The following CHD2 variants were observed in gnomAD, a reference collection of about 807,000 sequenced individuals.
CHD2 encodes the protein chromodomain helicase DNA binding protein 2, also known as ATP-dependent chromatin remodeler CHD2.
In CHD2, 28 loss-of-function variants were observed where a neutral mutation model predicts 243.9. The observed-to-expected ratio is 0.11, with a 90% CI of 0.09 to 0.16. The LOEUF is 0.16. CHD2 is among the 10% of genes least tolerant of loss of function. The probability of loss-of-function intolerance (pLI) is 1.00; values close to 1 mark genes in which losing one functional copy is unlikely to be tolerated. For missense variants in CHD2, 1,386 were observed against 2,209.8 expected (o/e 0.63, Z 7.47); for synonymous variants, 775 against 779.0 (o/e 0.99, Z 0.09).
At chr15:92,964,441 T>A (rs951577155) in intron 16 of CHD2, among the ~76,000 whole-genome samples, 8 of 152,170 alleles carry the variant, frequency 5.3e-5, no homozygotes, top group Admixed American at 3.9e-4. Flanking sequence ...TGAGGTACCT[T>A]AGGACTCTAC....
intron 14 of CHD2, chr15:92,954,111 A>C (rs2053587699): frequency 6.5e-6 from 1 of 153,282 alleles, no homozygotes; most frequent in Non-Finnish European, 1.5e-5. Context: ...CAGTGACTTA[A>C]GTTTATCTTT....
At chr15:92,985,701 C>G in intron 26 of CHD2, 28 bp downstream of exon 26, 5 of 1,593,008 alleles carry the variant, frequency 3.1e-6, no homozygotes, top group Non-Finnish European at 4.3e-6. Context: ...TCTCACTGAG[C>G]TTGTTTGAAA....
chr15:92,905,822 A>G (rs1399379571), intron 2 of CHD2, among the ~76,000 whole-genome samples: 4 of 152,244 alleles, frequency 2.6e-5, no homozygotes, highest in Non-Finnish European at 5.9e-5. Context: ...TTAAGTGTTT[A>G]TAGAACTTGA....
intron 2 of CHD2, among the ~76,000 whole-genome samples, chr15:92,914,064 A>G (rs2052790080): frequency 6.6e-6 from 1 of 152,218 alleles, no homozygotes; most frequent in Admixed American, 6.5e-5. Context: ...AGTTGCTGAA[A>G]GCACCATATA....
chr15:92,939,475 A>G (rs2053322281), intron 6 of CHD2, 103 bp from the exon 7 acceptor site: 2 of 1,206,388 alleles, frequency 1.7e-6, no homozygotes, highest in East Asian at 5.1e-5. Flanking sequence ...GTGAAATGTT[A>G]CATTCTGATG....
intron 2 of CHD2, among the ~76,000 whole-genome samples, chr15:92,906,327 G>A (rs1266539593): frequency 6.6e-6 from 1 of 152,120 alleles, no homozygotes; most frequent in Non-Finnish European, 1.5e-5. Context: ...TAGGGAGTTA[G>A]TATCTTTGTA....
intron 2 of CHD2, among the ~76,000 whole-genome samples, chr15:92,917,113 A>T (rs2052854038): frequency 6.6e-6 from 1 of 152,108 alleles, no homozygotes; most frequent in Admixed American, 6.5e-5. Flanking sequence ...ATACTTTGTT[A>T]TGTGTACATT....
chr15:92,972,817 C>G (rs1397223909), intron 19 of CHD2, among the ~76,000 whole-genome samples: 1 of 10,100 alleles, frequency 9.9e-5, no homozygotes, highest in Non-Finnish European at 5.2e-4. Context: ...CGCCACTGCA[C>G]TCCAGCCTGG....
intron 37 of CHD2, among the ~76,000 whole-genome samples, chr15:93,016,922 C>CCT (rs1178121044): frequency 6.6e-6 from 1 of 151,960 alleles, no homozygotes; most frequent in Non-Finnish European, 1.5e-5. Context: ...ATGAATTAGA[C>CCT]AGTTCATGTA....
chr15:92,948,607 G>T (rs2053507997), intron 12 of CHD2, among the ~76,000 whole-genome samples: 1 of 152,180 alleles, frequency 6.6e-6, no homozygotes, highest in African/African-American at 2.4e-5. Flanking sequence ...GCCGAGGTGG[G>T]CAGATCACGA....
chr15:92,924,583 C>T (rs762509331), intron 3 of CHD2, 31 bp downstream of exon 3: 2 of 1,581,288 alleles, frequency 1.3e-6, no homozygotes, highest in East Asian at 4.5e-5. Context: ...TACAAATGTG[C>T]TGCTAGCCTA....
intron 8 of CHD2, among the ~76,000 whole-genome samples, chr15:92,942,578 C>G (rs1214856134): frequency 1.3e-5 from 2 of 151,764 alleles, no homozygotes; most frequent in East Asian, 3.9e-4. Flanking sequence ...GATGTTGCTG[C>G]TCTGTTTTTA....
At chr15:92,906,941 A>T (rs2052634644) in intron 2 of CHD2, among the ~76,000 whole-genome samples, 1 of 152,146 alleles carries the variant, frequency 6.6e-6, no homozygotes, top group African/African-American at 2.4e-5. Flanking sequence ...GCCATTCACA[A>T]CTTGTTTTGG....
intron 5 of CHD2, among the ~76,000 whole-genome samples, chr15:92,934,491 T>C (rs1426898123): frequency 1.3e-5 from 2 of 152,234 alleles, no homozygotes. Context: ...CATTTTTTGC[T>C]CACGATCTCA....
At chr15:93,024,317 A>C in intron 38 of CHD2, 55 bp from the exon 39 acceptor site, 1 of 1,508,628 alleles carries the variant, frequency 6.6e-7, no homozygotes, top group Non-Finnish European at 9.1e-7. Flanking sequence ...AGTGAAGAGA[A>C]GTGGATGGGA....
At chr15:92,937,716 T>C in intron 6 of CHD2, 91 bp downstream of exon 6, 1 of 890,582 alleles carries the variant, frequency 1.1e-6, no homozygotes, top group Non-Finnish European at 1.7e-6. Context: ...AGAGCTTTAA[T>C]GAGATGCATT....
intron 34 of CHD2, among the ~76,000 whole-genome samples, chr15:93,005,569 A>G (rs929627730): frequency 2.6e-5 from 4 of 152,144 alleles, no homozygotes; most frequent in Non-Finnish European, 5.9e-5. Flanking sequence ...ATTTGAAAAT[A>G]CTTCCATCCT....
intron 34 of CHD2, among the ~76,000 whole-genome samples, chr15:93,006,757 C>T (rs1056862522): frequency 6.6e-6 from 1 of 152,176 alleles, no homozygotes; most frequent in Admixed American, 6.5e-5. Context: ...TAGCCTCCCA[C>T]ATATAAACAA....
chr15:92,932,226 A>G (rs1306046959), intron 5 of CHD2, among the ~76,000 whole-genome samples: 2 of 150,650 alleles, frequency 1.3e-5, no homozygotes, highest in African/African-American at 2.4e-5. Context: ...GTCTTTCATA[A>G]TATTTTTCCA....
Sources: allele counts gnomAD v4.1 joint callset (sites outside exome capture counted in the v4.1 genomes callset), GRCh38; gene constraint gnomAD v4.1.1; transcripts MANE v1.5; gene names NCBI Gene and HGNC (gene_info 2026-07-23, HGNC 2026-07-21).